The following SHANK2 variants were observed in gnomAD, a reference collection of about 807,000 sequenced individuals.
SHANK2 encodes SH3 and multiple ankyrin repeat domains protein 2.
In SHANK2, 43 loss-of-function variants were observed where a neutral mutation model predicts 133.7. The ratio of observed to expected loss-of-function variants is 0.32; its 90% CI spans 0.25 to 0.41. SHANK2 has a LOEUF of 0.41. SHANK2 is among the 10% of genes least tolerant of loss of function. SHANK2 has a pLI of 1.00. For synonymous variants in SHANK2, 1,017 were observed against 952.8 expected, an observed-to-expected ratio of 1.07 and a Z score of -1.24; for missense variants, 1,994 against 2,235.8, an observed-to-expected ratio of 0.89 and a Z score of 2.18.
At chr11:70,617,328 T>G (rs2060761862) in intron 17 of SHANK2, among the ~76,000 whole-genome samples, 1 of 151,544 alleles carries the variant, frequency 6.6e-6, no homozygotes, top group South Asian at 2.1e-4. Flanking sequence ...TGTGTGAGTG[T>G]GTAGTGCATG....
intron 14 of SHANK2, among the ~76,000 whole-genome samples, chr11:70,782,351 C>T (rs914761952): frequency 6.6e-6 from 1 of 152,226 alleles, no homozygotes; most frequent in Non-Finnish European, 1.5e-5. Flanking sequence ...GCCACCGCGC[C>T]CAGCCTTAAA....
intron 14 of SHANK2, among the ~76,000 whole-genome samples, chr11:70,797,797 A>G (rs1430487497): frequency 6.6e-6 from 1 of 150,596 alleles, no homozygotes; most frequent in Admixed American, 6.6e-5. Context: ...TTCTTCTTAT[A>G]AGACACTTAA....
rs781895614 is a variant in SHANK2 at position 70,492,457 on chromosome 11, C to T, written c.2317G>A (p.Glu773Lys). Reference sequence around the variant, plus strand: ...GGCTTGGAGGCCGGGACTATCTCCTCGGGTTTATCTGCAATAGAACCGTGA... The same window carrying T: ...GGCTTGGAGGCCGGGACTATCTCCTTGGGTTTATCTGCAATAGAACCGTGA... Reference protein sequence around the residue: ...ASVRKKKDKPEEIVPASKPSR... With the variant: ...ASVRKKKDKPKEIVPASKPSR... The change falls in exon 22 of 26, where the codon GAG (glutamate) becomes AAG (lysine). Residue 773 changes from glutamate (E) to lysine (K), a missense_variant. Physicochemically the swap from Glu to Lys is moderately conservative, Grantham distance 56. Transcript: ENST00000601538. 6.8e-6 allele frequency: 11 copies of T among 1,613,882 alleles called. No individual in the cohort carries two copies. The highest frequency in any genetic ancestry group is 1.6e-4 in the Middle Eastern group (1 of 6,084).
intron 5 of SHANK2, 90 bp downstream of exon 5, chr11:71,113,203 T>C: frequency 8.4e-7 from 1 of 1,191,442 alleles, no homozygotes. Flanking sequence ...CAGGTGCCCC[T>C]GGAAGAGGAG....
chr11:70,586,719 C>T (rs1009522627), intron 17 of SHANK2, among the ~76,000 whole-genome samples: 1 of 152,178 alleles, frequency 6.6e-6, no homozygotes, highest in Non-Finnish European at 1.5e-5. Flanking sequence ...TGACCCTTAT[C>T]CTAGGGGAAT....
chr11:71,140,561 G>A (rs1952535589), intron 3 of SHANK2, among the ~76,000 whole-genome samples: 1 of 152,234 alleles, frequency 6.6e-6, no homozygotes, highest in Non-Finnish European at 1.5e-5. Context: ...GAGATGACCG[G>A]GGCCTCCCTT....
At chr11:71,067,484 A>C (rs1033670528) in intron 9 of SHANK2, among the ~76,000 whole-genome samples, 2 of 152,136 alleles carry the variant, frequency 1.3e-5, no homozygotes, top group Non-Finnish European at 2.9e-5. Context: ...ATTAGACACA[A>C]TTTGATACTT....
At chr11:70,529,151 C>T (rs2059436742) in intron 17 of SHANK2, among the ~76,000 whole-genome samples, 1 of 152,114 alleles carries the variant, frequency 6.6e-6, no homozygotes, top group Admixed American at 6.5e-5. Flanking sequence ...CAGGCCAGGA[C>T]CAGTGTCTCA....
chr11:71,233,452 G>A (rs1954777214), intron 1 of SHANK2, among the ~76,000 whole-genome samples: 1 of 152,166 alleles, frequency 6.6e-6, no homozygotes, highest in Admixed American at 6.5e-5. Context: ...ATTAGTCGTT[G>A]CCAGGGGCTG....
In SHANK2 at chr11:70,502,344, A is replaced by G. The variant is rs1319961504; in HGVS notation, c.2198-58T>C. ...CCAGCCCATGTTTCCAGATATGGGAATAAGGCTAGCAGTGGCCCTGTGGCT... is the reference window on the plus strand; with the variant it reads ...CCAGCCCATGTTTCCAGATATGGGAGTAAGGCTAGCAGTGGCCCTGTGGCT... On this transcript the variant is annotated intron_variant, in intron 18 of 25. Transcript: ENST00000601538. The G allele has an allele frequency of 2.3e-5, 35 of 1,495,104 alleles. No individual in the cohort carries two copies. In the Admixed American group the frequency reaches 6.3e-4, roughly 27 times the overall value. 92.6% of individuals were successfully genotyped at this position (1,495,104 alleles called of 1,614,324 possible). A position where few individuals can be genotyped will look rare whatever the true frequency, so the allele number is the denominator to read the frequency against.
At chr11:70,927,752 G>C (rs1425769366) in intron 10 of SHANK2, among the ~76,000 whole-genome samples, 2 of 152,120 alleles carry the variant, frequency 1.3e-5, no homozygotes, top group Non-Finnish European at 2.9e-5. Flanking sequence ...GGATATATCT[G>C]GGAGAATGTT....
chr11:71,092,364 G>A, intron 8 of SHANK2, 58 bp downstream of exon 8: 1 of 1,541,388 alleles, frequency 6.5e-7, no homozygotes, highest in South Asian at 1.2e-5. Context: ...TGCGGGATCG[G>A]AGGAGAAGGG....
intron 2 of SHANK2, among the ~76,000 whole-genome samples, chr11:71,159,361 C>G (rs1555109522): frequency 2.0e-5 from 3 of 152,182 alleles, no homozygotes; most frequent in Non-Finnish European, 2.9e-5. Flanking sequence ...AAATCTCCCT[C>G]TTAAAAATAA....
Position 70,602,461 on chromosome 11 carries a change from C to T in SHANK2, c.2061+57367G>A, listed in dbSNP as rs560855073. 2.1e-4 allele frequency among the ~76,000 whole-genome samples: 32 copies of T among 152,324 alleles called. No individual in the cohort carries two copies. In the South Asian group the frequency reaches 2.3e-3, roughly 11 times the overall value. On this transcript the variant is annotated intron_variant, in intron 17 of 25. Transcript: ENST00000601538. Reference sequence around the variant, plus strand: ...AGAATACGCAGGAGTGCTCAGAGTTCCTCTGTTTACAGCCCCCCAAACCAG... The same window carrying T: ...AGAATACGCAGGAGTGCTCAGAGTTTCTCTGTTTACAGCCCCCCAAACCAG...
chr11:71,232,851 G>A (rs1220293248), intron 1 of SHANK2, among the ~76,000 whole-genome samples: 2 of 152,170 alleles, frequency 1.3e-5, no homozygotes, highest in Non-Finnish European at 2.9e-5. Flanking sequence ...CTGTGTGGGA[G>A]TTGGAACCCA....
intron 3 of SHANK2, among the ~76,000 whole-genome samples, chr11:71,138,790 CAAAAAAAA>C (rs58396625): frequency 1.2e-5 from 1 of 82,954 alleles, no homozygotes; most frequent in African/African-American, 4.2e-5. Flanking sequence ...GACCCTATCT[CAAAAAAAA>C]AAAAAAAAAG....
At chr11:70,916,924 G>C (rs544998835) in intron 10 of SHANK2, among the ~76,000 whole-genome samples, 1 of 152,206 alleles carries the variant, frequency 6.6e-6, no homozygotes, top group African/African-American at 2.4e-5. Context: ...TAAGCACCAG[G>C]TGCATGTGGG....
Position 70,882,484 on chromosome 11 carries a change from C to T in SHANK2, c.1174+14017G>A, listed in dbSNP as rs1290430768. On this transcript the variant is annotated intron_variant, in intron 11 of 25. Coordinates refer to ENST00000601538, the MANE Select transcript of SHANK2 (RefSeq NM_012309.5). This position sits in a 1 kb window ranked among gnomAD's most constrained non-coding sequence, Gnocchi z 4.2. The stretch of plus-strand genomic sequence containing the variant: ...GTGAAAAAGATCATGACAGAAGCTG[C>T]CAAGGATTCCTTACCTTGGCAGTAT... Among the ~76,000 whole-genome samples, 4 of 152,216 alleles carry T rather than the reference C, an allele frequency of 2.6e-5. No homozygotes were observed. The highest frequency in any genetic ancestry group is 4.4e-5 in the Non-Finnish European group (3 of 68,046).
At chr11:70,856,016 T>A (rs191616146) in intron 11 of SHANK2, among the ~76,000 whole-genome samples, 7 of 151,722 alleles carry the variant, frequency 4.6e-5, no homozygotes, top group Non-Finnish European at 7.4e-5. Context: ...GAAAGACAGA[T>A]GAATAAATTG....
Sources: allele counts gnomAD v4.1 joint callset (sites outside exome capture counted in the v4.1 genomes callset), GRCh38; gene constraint gnomAD v4.1.1; non-coding constraint Gnocchi (gnomAD v3.1); transcripts MANE v1.5; gene names NCBI Gene and HGNC (gene_info 2026-07-23, HGNC 2026-07-21).